Variants in FBXL7 observed in about 807,000 individuals in gnomAD.
FBXL7 encodes F-box and leucine rich repeat protein 7, also known as F-box/LRR-repeat protein 7.
FBXL7 carries 12 observed loss-of-function variants against 38.3 expected under a neutral mutation model. The observed-to-expected ratio is 0.31, with a 90% CI of 0.20 to 0.51. FBXL7 has a LOEUF of 0.51. Among genes scored for constraint, FBXL7 ranks in the 20% least tolerant of loss-of-function variants. The probability of loss-of-function intolerance (pLI) is 0.98; values close to 1 mark genes in which losing one functional copy is unlikely to be tolerated. For synonymous variants in FBXL7, 297 were observed against 300.9 expected (o/e 0.99, Z 0.13); for missense variants, 567 against 676.4 (o/e 0.84, Z 1.79).
At chr5:15,879,787 G>T (rs1176483942) in intron 2 of FBXL7, among the ~76,000 whole-genome samples, 1 of 152,132 alleles carries the variant, frequency 6.6e-6, no homozygotes, top group Non-Finnish European at 1.5e-5. Context: ...GTGAGTACAT[G>T]AGATGATAAT....
intron 2 of FBXL7, among the ~76,000 whole-genome samples, chr5:15,678,852 T>C (rs1348544533): frequency 6.6e-6 from 1 of 152,220 alleles, no homozygotes; most frequent in Admixed American, 6.5e-5. Context: ...TTAAATCTCT[T>C]TCTCTATATA....
chr5:15,740,987 A>G (rs950933343), intron 2 of FBXL7, among the ~76,000 whole-genome samples: 2 of 152,182 alleles, frequency 1.3e-5, no homozygotes, highest in Admixed American at 1.3e-4. Context: ...CCTAAGAGAA[A>G]TAAAGTCTCC....
At chr5:15,792,023 A>G (rs187498473) in intron 2 of FBXL7, among the ~76,000 whole-genome samples, 1 of 152,166 alleles carries the variant, frequency 6.6e-6, no homozygotes, top group Non-Finnish European at 1.5e-5. Flanking sequence ...TTTTTGTTTA[A>G]TCCTTAAGGA....
chr5:15,600,809 G>A (rs1224871844), intron 1 of FBXL7, among the ~76,000 whole-genome samples: 5 of 152,148 alleles, frequency 3.3e-5, no homozygotes, highest in Non-Finnish European at 7.4e-5. Flanking sequence ...TGATAATTAA[G>A]GTAAATATGC....
chr5:15,541,950 T>C (rs1015277474), intron 1 of FBXL7, among the ~76,000 whole-genome samples: 2 of 151,906 alleles, frequency 1.3e-5, no homozygotes, highest in Admixed American at 1.3e-4. Context: ...ATTCCTTTCC[T>C]CCTTTTTTTT....
At chr5:15,586,149 T>C (rs978298407) in intron 1 of FBXL7, among the ~76,000 whole-genome samples, 2 of 152,082 alleles carry the variant, frequency 1.3e-5, no homozygotes, top group Admixed American at 6.6e-5. Flanking sequence ...CTGGGGGGTA[T>C]TAAGATTGAT....
chr5:15,806,686 A>G (rs1737720381), intron 2 of FBXL7, among the ~76,000 whole-genome samples: 1 of 152,102 alleles, frequency 6.6e-6, no homozygotes, highest in African/African-American at 2.4e-5. Flanking sequence ...ATGAAGGTTA[A>G]CCCAGCAGAG....
intron 2 of FBXL7, among the ~76,000 whole-genome samples, chr5:15,733,099 C>T (rs553425183): frequency 1.3e-3 from 173 of 137,278 alleles, no homozygotes; most frequent in Non-Finnish European, 2.2e-3. Flanking sequence ...TTGTTTCTTT[C>T]TTTCTTTTTT....
chr5:15,848,845 C>T (rs1739006142), intron 2 of FBXL7, among the ~76,000 whole-genome samples: 1 of 152,124 alleles, frequency 6.6e-6, no homozygotes. Context: ...ACTTTAGGGG[C>T]CTCAATTACT....
At chr5:15,883,009 TAGC>T (rs1460009657) in intron 2 of FBXL7, among the ~76,000 whole-genome samples, 1 of 152,232 alleles carries the variant, frequency 6.6e-6, no homozygotes, top group African/African-American at 2.4e-5. Flanking sequence ...TGCTCTGTCT[TAGC>T]CTCAGACACA....
intron 2 of FBXL7, among the ~76,000 whole-genome samples, chr5:15,912,766 A>C (rs573661339): frequency 2.0e-5 from 3 of 152,218 alleles, no homozygotes; most frequent in African/African-American, 4.8e-5. Context: ...TCAGGGACCC[A>C]CCGAAACGCC....
At chr5:15,512,104 C>T (rs886932729) in intron 1 of FBXL7, among the ~76,000 whole-genome samples, 11 of 152,138 alleles carry the variant, frequency 7.2e-5, no homozygotes, top group Non-Finnish European at 1.5e-4. Flanking sequence ...TCAGCATCAC[C>T]GGAGTCTTTA....
At chr5:15,623,905 A>C (rs1173461702) in intron 2 of FBXL7, among the ~76,000 whole-genome samples, 1 of 152,194 alleles carries the variant, frequency 6.6e-6, no homozygotes, top group African/African-American at 2.4e-5. Flanking sequence ...GCTGTATTTC[A>C]TGTAAAATTA....
intron 2 of FBXL7, among the ~76,000 whole-genome samples, chr5:15,780,058 C>T (rs1273026406): frequency 6.6e-6 from 1 of 152,108 alleles, no homozygotes; most frequent in East Asian, 1.9e-4. Context: ...TTTGGCCAGT[C>T]CTCCTTTGAA....
intron 2 of FBXL7, among the ~76,000 whole-genome samples, chr5:15,645,154 A>G (rs1741491089): frequency 6.6e-6 from 1 of 152,124 alleles, no homozygotes; most frequent in African/African-American, 2.4e-5. Context: ...CAACATGTAT[A>G]TTCATAATTA....
At chr5:15,834,142 G>T (rs1314584057) in intron 2 of FBXL7, among the ~76,000 whole-genome samples, 1 of 152,174 alleles carries the variant, frequency 6.6e-6, no homozygotes, top group Non-Finnish European at 1.5e-5. Context: ...CCAAAACTTG[G>T]AAATTAGGCA....
chr5:15,824,801 G>T (rs533295242), intron 2 of FBXL7, among the ~76,000 whole-genome samples: 61 of 152,232 alleles, frequency 4.0e-4, no homozygotes, highest in African/African-American at 1.4e-3. Flanking sequence ...GAGTTTCAGG[G>T]TCCTCTCAGT....
At chr5:15,790,481 T>C (rs900145479) in intron 2 of FBXL7, among the ~76,000 whole-genome samples, 5 of 152,144 alleles carry the variant, frequency 3.3e-5, no homozygotes, top group African/African-American at 1.2e-4. Flanking sequence ...GCTAAGTAAA[T>C]GTGAGCCATT....
chr5:15,920,310 C>T (rs796232951), intron 2 of FBXL7, among the ~76,000 whole-genome samples: 3 of 152,174 alleles, frequency 2.0e-5, no homozygotes, highest in African/African-American at 7.2e-5. Context: ...TCCTCCCTTT[C>T]TAGACCAAAC....
Sources: gnomAD v4.1 joint callset for allele counts (sites outside exome capture counted in the v4.1 genomes callset) on GRCh38, gnomAD v4.1.1 for gene constraint, MANE v1.5 for transcripts, NCBI Gene and HGNC (gene_info 2026-07-23, HGNC 2026-07-21) for gene names.